The following PHF20L1 variants were observed in gnomAD, a reference collection of about 807,000 sequenced individuals.
PHF20L1 encodes PHD finger protein 20-like protein 1.
PHF20L1 carries 44 observed loss-of-function variants against 125.5 expected under a neutral mutation model. The observed-to-expected ratio is 0.35, with a 90% confidence interval of 0.28 to 0.45. The LOEUF is 0.45. Among genes scored for constraint, PHF20L1 ranks in the 20% least tolerant of loss-of-function variants. PHF20L1 has a pLI of 1.00. For missense variants in PHF20L1, 1,012 were observed against 1,217.2 expected, an observed-to-expected ratio of 0.83 and a Z score of 2.51; for synonymous variants, 380 against 403.1, an observed-to-expected ratio of 0.94 and a Z score of 0.69.
chr8:132,847,688 A>G lies in PHF20L1; in HGVS notation c.*1765A>G, dbSNP rs1265025959. On this transcript the variant is annotated 3_prime_UTR_variant, in exon 21 of 21. Coordinates refer to ENST00000395386, the MANE Select transcript of PHF20L1 (RefSeq NM_016018.5). ...TTTTATTGCCTTTTGAGATTCTCCA[A>G]CTTGACAAATGTGCCAAAGATCAAC... 3.9e-5 allele frequency: 6 copies of G among 152,572 alleles called. No individual in the cohort carries two copies. Among genetic ancestry groups the G allele is most frequent in the South Asian group, 2.1e-4 (1 of 4,832 alleles). 9.5% of individuals were successfully genotyped at this position (152,572 alleles called of 1,614,324 possible). A position where few individuals can be genotyped will look rare whatever the true frequency, so the allele number is the denominator to read the frequency against.
At chr8:132,845,660 C>T in intron 20 of PHF20L1, 121 bp from the exon 21 acceptor site, 2 of 682,388 alleles carry the variant, frequency 2.9e-6, no homozygotes, top group Admixed American at 2.4e-5. Context: ...AGTATGTTGG[C>T]CTTCTAAAGA....
chr8:132,786,032 C>T (rs1180690957), intron 2 of PHF20L1, among the ~76,000 whole-genome samples: 1 of 152,028 alleles, frequency 6.6e-6, no homozygotes, highest in African/African-American at 2.4e-5. Context: ...ACCTAGTTAC[C>T]ATTTCAGAAA....
intron 14 of PHF20L1, among the ~76,000 whole-genome samples, chr8:132,828,900 T>C (rs1836480887): frequency 1.3e-5 from 2 of 152,052 alleles, no homozygotes; most frequent in South Asian, 4.1e-4. Flanking sequence ...TTGTAAGTCA[T>C]TGAAGTATAT....
chr8:132,843,246 A>G (rs1265773061), intron 19 of PHF20L1: 1 of 984,204 alleles, frequency 1.0e-6, no homozygotes, highest in Non-Finnish European at 1.2e-6. Flanking sequence ...TGTGAGTTAG[A>G]TAAAAGGTGG....
At chr8:132,776,749 C>G (rs1829832285) in intron 1 of PHF20L1, among the ~76,000 whole-genome samples, 2 of 152,104 alleles carry the variant, frequency 1.3e-5, no homozygotes, top group Non-Finnish European at 2.9e-5. Context: ...GTGTGTGTTT[C>G]TTTTTTTCTT....
At chr8:132,794,853 A>G in intron 4 of PHF20L1, 36 bp downstream of exon 4, 1 of 1,309,354 alleles carries the variant, frequency 7.6e-7, no homozygotes, top group Non-Finnish European at 1.1e-6. Flanking sequence ...TTAAAATTAG[A>G]TTAATAGTAA....
At chr8:132,802,324 A>G (rs1452026293) in intron 6 of PHF20L1, among the ~76,000 whole-genome samples, 2 of 151,194 alleles carry the variant, frequency 1.3e-5, no homozygotes, top group African/African-American at 4.9e-5. Flanking sequence ...TTTTGCTTGG[A>G]GTAGCCTTTT....
intron 16 of PHF20L1, 64 bp downstream of exon 16, chr8:132,836,785 A>G (rs1837403048): frequency 8.4e-7 from 1 of 1,191,314 alleles, no homozygotes; most frequent in Non-Finnish European, 1.2e-6. Flanking sequence ...CAAATGCATC[A>G]CGGTGTTTTA....
intron 12 of PHF20L1, among the ~76,000 whole-genome samples, chr8:132,819,135 A>G (rs1835304215): frequency 1.3e-5 from 2 of 151,924 alleles, no homozygotes; most frequent in South Asian, 4.1e-4. Context: ...TGACTACCTT[A>G]GAGGAAGGCA....
At chr8:132,833,762 A>G (rs752571998) in intron 15 of PHF20L1, among the ~76,000 whole-genome samples, 2 of 152,152 alleles carry the variant, frequency 1.3e-5, no homozygotes, top group Non-Finnish European at 2.9e-5. Context: ...AGAGCCATAG[A>G]TGTGTACTCT....
intron 4 of PHF20L1, among the ~76,000 whole-genome samples, chr8:132,796,273 C>T (rs1305946557): frequency 6.6e-6 from 1 of 151,918 alleles, no homozygotes; most frequent in Non-Finnish European, 1.5e-5. Flanking sequence ...GATAGAATAG[C>T]TAGAGTACAG....
chr8:132,847,161 T>G lies in PHF20L1; in HGVS notation c.*1238T>G, dbSNP rs960692427. ...CGCAGGTATGCGTAAGTGTGTATGC[T>G]TGTTTTAAACAAACACTCAACGTAC... On this transcript the variant is annotated 3_prime_UTR_variant, in exon 21 of 21. Coordinates refer to ENST00000395386, the MANE Select transcript of PHF20L1 (RefSeq NM_016018.5). 1 of 152,612 alleles carries G rather than the reference T, an allele frequency of 6.6e-6. No homozygotes were observed. Among genetic ancestry groups the G allele is most frequent in the African/African-American group, 2.4e-5 (1 of 41,454 alleles). The allele number at this position is 152,612 out of a possible 1,614,324, so 9.5% of individuals were successfully genotyped here.
chr8:132,804,832 T>A, intron 8 of PHF20L1, 92 bp downstream of exon 8: 1 of 1,111,030 alleles, frequency 9.0e-7, no homozygotes, highest in Non-Finnish European at 1.3e-6. Context: ...GGTTTTGATT[T>A]AGTGTCATGG....
In PHF20L1 at chr8:132,839,291, T is replaced by G. The variant is rs1837689814; in HGVS notation, c.2192-96T>G. On this transcript the variant is annotated intron_variant, in intron 17 of 20. Transcript: ENST00000395386. Reference sequence around the variant, plus strand: ...TTGAATCTGCTCCTAGTGCTAGAGCTTGCCTTGCTTAATGAGCAACGTTAG... The same window carrying G: ...TTGAATCTGCTCCTAGTGCTAGAGCGTGCCTTGCTTAATGAGCAACGTTAG... 2.8e-5 allele frequency: 25 copies of G among 894,100 alleles called. No homozygotes were observed. The East Asian group carries it at 6.1e-4, about 22-fold the overall frequency. The allele number at this position is 894,100 out of a possible 1,614,324, so 55.4% of individuals were successfully genotyped here. A position where few individuals can be genotyped will look rare whatever the true frequency, so the allele number is the denominator to read the frequency against.
chr8:132,798,219 T>G (rs1832644526), intron 4 of PHF20L1, among the ~76,000 whole-genome samples: 1 of 152,014 alleles, frequency 6.6e-6, no homozygotes, highest in African/African-American at 2.4e-5. Context: ...TTCAGTGTTC[T>G]GAGCTACTTA....
chr8:132,820,600 G>A (rs1330361434), intron 12 of PHF20L1, among the ~76,000 whole-genome samples: 1 of 151,944 alleles, frequency 6.6e-6, no homozygotes, highest in Non-Finnish European at 1.5e-5. Flanking sequence ...ACTCTGGAGA[G>A]ACAAACCATC....
At chr8:132,791,395 A>G (rs986243800) in intron 2 of PHF20L1, among the ~76,000 whole-genome samples, 2 of 151,684 alleles carry the variant, frequency 1.3e-5, no homozygotes, top group East Asian at 1.9e-4. Context: ...CCGGGATTAC[A>G]GGCATGTGCC....
chr8:132,836,799 C>A, intron 16 of PHF20L1, 78 bp downstream of exon 16: 2 of 1,006,902 alleles, frequency 2.0e-6, no homozygotes, highest in Non-Finnish European at 3.1e-6. Context: ...TGTTTTATTT[C>A]TTTACTGACT....
At chr8:132,777,324 G>T (rs1829924004) in intron 1 of PHF20L1, among the ~76,000 whole-genome samples, 1 of 152,088 alleles carries the variant, frequency 6.6e-6, no homozygotes, top group South Asian at 2.1e-4. Flanking sequence ...GCCTTATCTA[G>T]TGTTTTGTAT....
Sources: allele counts gnomAD v4.1 joint callset (sites outside exome capture counted in the v4.1 genomes callset), GRCh38; gene constraint gnomAD v4.1.1; transcripts MANE v1.5; gene names NCBI Gene and HGNC (gene_info 2026-07-23, HGNC 2026-07-21).